The following SLC25A26 variants were observed in gnomAD, a reference collection of about 807,000 sequenced individuals.
SLC25A26 encodes the protein solute carrier family 25 member 26, also known as mitochondrial S-adenosylmethionine carrier protein.
SLC25A26 carries 36 observed loss-of-function variants against 37.8 expected under a neutral mutation model. That is an observed-to-expected ratio of 0.95 (90% CI 0.73 to 1.26). The LOEUF is 1.26. SLC25A26 is among the 50% of genes most tolerant of loss of function. The pLI is 0.00. For missense variants in SLC25A26, 390 were observed against 331.1 expected, an observed-to-expected ratio of 1.18 and a Z score of -1.38; for synonymous variants, 129 against 122.5, an observed-to-expected ratio of 1.05 and a Z score of -0.35.
intron 3 of SLC25A26, among the ~76,000 whole-genome samples, chr3:66,244,768 C>G (rs964509435): frequency 6.6e-6 from 1 of 151,746 alleles, no homozygotes; most frequent in Non-Finnish European, 1.5e-5. Flanking sequence ...GTCAGGAGAT[C>G]GAGAGCATCC....
At position 66,262,200 on chromosome 3, in the gene SLC25A26, A is replaced by G. The variant is rs761979855; in HGVS notation, c.405+45A>G. On this transcript the variant is annotated intron_variant, in intron 4 of 9. Transcript: ENST00000354883. ...CTCTTCTTTTCTTTATTAAGATTTT[A>G]TAGTAGCTAATACGAACACTGTGGA... 6 of 1,002,770 alleles carry G rather than the reference A, an allele frequency of 6.0e-6. No individual in the cohort carries two copies. The South Asian group carries it at 7.8e-5, about 13-fold the overall frequency. The allele number at this position is 1,002,770 out of a possible 1,614,324, so 62.1% of individuals were successfully genotyped here.
chr3:66,317,235 C>T (rs1376534109), intron 5 of SLC25A26, among the ~76,000 whole-genome samples: 2 of 152,182 alleles, frequency 1.3e-5, no homozygotes, highest in South Asian at 2.1e-4. Context: ...TTATCATCTT[C>T]ATGGGTTTAT....
At chr3:66,281,996 A>T (rs113301014) in intron 5 of SLC25A26, among the ~76,000 whole-genome samples, 3,098 of 64,350 alleles carry the variant, frequency 0.048, 97 homozygotes, top group South Asian at 0.065. Flanking sequence ...CTGATTTTGC[A>T]TTTTTTTTTT....
intron 1 of SLC25A26, among the ~76,000 whole-genome samples, chr3:66,209,898 T>TATATATTTATATATA (rs2071256377): frequency 1.3e-4 from 5 of 38,616 alleles, no homozygotes; most frequent in Admixed American, 4.4e-4. Flanking sequence ...CTCTCTCTAT[T>TATATATTTATATATA]TATATATATA....
At chr3:66,154,548 T>C (rs1183648055) in intron 1 of SLC25A26, among the ~76,000 whole-genome samples, 1 of 148,432 alleles carries the variant, frequency 6.7e-6, no homozygotes, top group Non-Finnish European at 1.5e-5. Context: ...TTCTTTTTTT[T>C]TTTTTTTTTT....
At chr3:66,222,788 G>A (rs961210933) in intron 1 of SLC25A26, among the ~76,000 whole-genome samples, 1 of 152,100 alleles carries the variant, frequency 6.6e-6, no homozygotes, top group Non-Finnish European at 1.5e-5. Flanking sequence ...GATACTCTCC[G>A]AAGTCAGCAA....
chr3:66,194,929 G>A (rs2071018989), intron 1 of SLC25A26, among the ~76,000 whole-genome samples: 1 of 152,158 alleles, frequency 6.6e-6, no homozygotes, highest in South Asian at 2.1e-4. Flanking sequence ...ACGGGTGGTT[G>A]GACCCTGTGG....
intron 1 of SLC25A26, among the ~76,000 whole-genome samples, chr3:66,156,704 T>C (rs1295276276): frequency 6.6e-6 from 1 of 152,130 alleles, no homozygotes; most frequent in Non-Finnish European, 1.5e-5. Flanking sequence ...GTAACTCTTT[T>C]TTTGGAACCT....
intron 6 of SLC25A26, among the ~76,000 whole-genome samples, chr3:66,361,431 T>C (rs332388): frequency 0.55 from 83,016 of 152,028 alleles, 24,830 homozygotes; most frequent in African/African-American, 0.79. Flanking sequence ...CTTTGAAAGA[T>C]GCTGTTAAAA....
chr3:66,242,311 C>T (rs879367252), intron 2 of SLC25A26, among the ~76,000 whole-genome samples: 1 of 152,120 alleles, frequency 6.6e-6, no homozygotes, highest in Non-Finnish European at 1.5e-5. Flanking sequence ...TGAAGAAACA[C>T]AAATGGGAAT....
At chr3:66,221,254 AG>A in intron 1 of SLC25A26, 127 bp downstream of exon 1, 2 of 1,036,172 alleles carry the variant, frequency 1.9e-6, no homozygotes, top group Admixed American at 3.6e-5. Flanking sequence ...ACTGGCAGCC[AG>A]GTCTGAGAGG....
rs1314539580 is a variant in SLC25A26 at position 66,371,450 on chromosome 3, C to A, written c.707+848C>A. 4.3e-6 allele frequency: 6 copies of A among 1,385,696 alleles called. No homozygotes were observed. In the African/African-American group the frequency reaches 8.9e-5, roughly 20 times the overall value. 85.8% of individuals were successfully genotyped at this position (1,385,696 alleles called of 1,614,324 possible). Reference sequence around the variant, plus strand: ...CCCAGTTAAGGTTTTTATAGGAGAGCAGCACATCCTAGATTGAAATTTTCC... The same window carrying A: ...CCCAGTTAAGGTTTTTATAGGAGAGAAGCACATCCTAGATTGAAATTTTCC... On this transcript the variant is annotated intron_variant, in intron 9 of 9. Transcript: ENST00000354883.
chr3:66,267,262 T>C (rs910069150), intron 5 of SLC25A26, among the ~76,000 whole-genome samples: 1 of 152,134 alleles, frequency 6.6e-6, no homozygotes, highest in Non-Finnish European at 1.5e-5. Flanking sequence ...GTAGTTAAGG[T>C]TATAGGCAGA....
intron 5 of SLC25A26, among the ~76,000 whole-genome samples, chr3:66,278,960 T>C (rs2074247681): frequency 6.6e-6 from 1 of 152,194 alleles, no homozygotes; most frequent in South Asian, 2.1e-4. Flanking sequence ...GAAGACTTCA[T>C]GAATGATCAG....
intron 1 of SLC25A26, among the ~76,000 whole-genome samples, chr3:66,154,900 G>C (rs2070260555): frequency 6.6e-6 from 1 of 152,188 alleles, no homozygotes; most frequent in Admixed American, 6.5e-5. Context: ...GGTAAAATCA[G>C]ATAAAGTATG....
rs182615232 is a variant in SLC25A26, at chr3:66,261,042, C to G, written c.301-1009C>G. 4.6e-5 allele frequency among the ~76,000 whole-genome samples: 7 copies of G among 152,276 alleles called. No homozygotes were observed. The East Asian group carries it at 1.4e-3, about 29-fold the overall frequency. ...GGCAAACCTCTTTGAGTTGTGTACT[C>G]TATTTGGTGGAATGGTTTTCTTACA... On this transcript the variant is annotated intron_variant, in intron 3 of 9. Transcript: ENST00000354883.
At chr3:66,361,701 C>CA (rs1430952541) in intron 6 of SLC25A26, among the ~76,000 whole-genome samples, 1 of 152,192 alleles carries the variant, frequency 6.6e-6, no homozygotes, top group Non-Finnish European at 1.5e-5. Flanking sequence ...CGGTGGCTCA[C>CA]ACCTGTAATC....
intron 5 of SLC25A26, among the ~76,000 whole-genome samples, chr3:66,337,023 C>T (rs887502055): frequency 1.3e-5 from 2 of 152,066 alleles, no homozygotes; most frequent in African/African-American, 4.8e-5. Context: ...ACCATAATTG[C>T]ACTGTATCAG....
intron 9 of SLC25A26, among the ~76,000 whole-genome samples, chr3:66,372,215 A>G (rs933464427): frequency 3.3e-5 from 5 of 152,156 alleles, no homozygotes; most frequent in African/African-American, 1.2e-4. Flanking sequence ...TCACTGTCCT[A>G]CTGATTTCAG....
Sources: gnomAD v4.1 joint callset for allele counts (sites outside exome capture counted in the v4.1 genomes callset) on GRCh38, gnomAD v4.1.1 for gene constraint, MANE v1.5 for transcripts, NCBI Gene and HGNC (gene_info 2026-07-23, HGNC 2026-07-21) for gene names.